Variants in CACNG4 observed in about 807,000 individuals in gnomAD.
CACNG4 encodes the protein voltage-dependent calcium channel gamma-4 subunit.
Under a neutral mutation model 22.9 loss-of-function variants are expected in CACNG4, and 8 were observed. That is an observed-to-expected ratio of 0.35 (90% CI 0.21 to 0.63). CACNG4 has a LOEUF of 0.63. Ranked by LOEUF, CACNG4 falls within the 30% of genes least tolerant of loss-of-function variation. CACNG4 has a pLI of 0.72. For synonymous variants in CACNG4, 188 were observed against 191.9 expected, an observed-to-expected ratio of 0.98 and a Z score of 0.17; for missense variants, 357 against 455.4, an observed-to-expected ratio of 0.78 and a Z score of 1.97.
chr17:66,989,060 C>CAAAA lies in CACNG4; in HGVS notation c.220+23947_220+23950dup, dbSNP rs35041834. ...TGGGCAACAGAGCAAGACTCTGCCT[C>CAAAA]AAAAAAAAAAAAAAAAAAAAAGGCA... On this transcript the variant is annotated intron_variant, in intron 1 of 3. Coordinates refer to ENST00000262138, the MANE Select transcript of CACNG4 (RefSeq NM_014405.4). Among the ~76,000 whole-genome samples the CAAAA allele has an allele frequency of 1.3e-4, 8 of 63,290 alleles. 1 individual carries two copies. Among genetic ancestry groups the CAAAA allele is most frequent in the East Asian group, 4.9e-4 (1 of 2,036 alleles). 41.5% of individuals were successfully genotyped at this position (63,290 alleles called of 152,430 possible). A position where few individuals can be genotyped will look rare whatever the true frequency, so the allele number is the denominator to read the frequency against.
chr17:67,026,815 G>A (rs1367559026), intron 3 of CACNG4, among the ~76,000 whole-genome samples: 1 of 151,978 alleles, frequency 6.6e-6, no homozygotes. Flanking sequence ...GTTGGGAAGA[G>A]GAGCCTGTGT....
intron 1 of CACNG4, among the ~76,000 whole-genome samples, chr17:66,979,720 A>C (rs2035259612): frequency 5.8e-4 from 84 of 145,010 alleles, no homozygotes; most frequent in East Asian, 1.7e-3. Flanking sequence ...CCGATTTGAC[A>C]CGGCCGGTGT....
At chr17:66,978,631 G>T (rs1467345277) in intron 1 of CACNG4, among the ~76,000 whole-genome samples, 1 of 152,212 alleles carries the variant, frequency 6.6e-6, no homozygotes, top group Non-Finnish European at 1.5e-5. Flanking sequence ...GGGGAGGGAT[G>T]CCCCGTACTC....
chr17:67,020,499 G>A (rs1203139827), intron 2 of CACNG4, among the ~76,000 whole-genome samples: 1 of 152,238 alleles, frequency 6.6e-6, no homozygotes, highest in African/African-American at 2.4e-5. Flanking sequence ...ACAGCTTGAC[G>A]GCTTTCGGGC....
At chr17:66,982,099 A>G (rs2143292096) in intron 1 of CACNG4, among the ~76,000 whole-genome samples, 1 of 152,318 alleles carries the variant, frequency 6.6e-6, no homozygotes, top group Admixed American at 6.5e-5. Flanking sequence ...CAGCTCTTAA[A>G]GGTGGCACGG....
intron 1 of CACNG4, among the ~76,000 whole-genome samples, chr17:66,985,363 C>A (rs1598106783): frequency 6.6e-6 from 1 of 152,160 alleles, no homozygotes; most frequent in Non-Finnish European, 1.5e-5. Context: ...TTCTTCATAG[C>A]AGAGAATAAA....
intron 2 of CACNG4, among the ~76,000 whole-genome samples, chr17:67,021,072 A>G (rs1342265676): frequency 6.6e-6 from 1 of 152,166 alleles, no homozygotes; most frequent in Non-Finnish European, 1.5e-5. Flanking sequence ...GTGATGGCAC[A>G]TGCCTCCAGT....
intron 1 of CACNG4, among the ~76,000 whole-genome samples, chr17:66,965,844 G>A (rs2035166935): frequency 1.3e-5 from 2 of 152,114 alleles, no homozygotes; most frequent in East Asian, 1.9e-4. Context: ...GCTCCTCGCT[G>A]TGCGGTGGGG....
At chr17:67,028,028 T>A (rs931049795) in intron 3 of CACNG4, among the ~76,000 whole-genome samples, 5 of 149,002 alleles carry the variant, frequency 3.4e-5, no homozygotes, top group South Asian at 2.1e-4. Context: ...TCAAAAAAAA[T>A]AAATAAATAA....
chr17:67,000,622 A>G (rs2035402478), intron 1 of CACNG4, among the ~76,000 whole-genome samples: 1 of 152,106 alleles, frequency 6.6e-6, no homozygotes, highest in South Asian at 2.1e-4. Flanking sequence ...ACACAGGAGG[A>G]CAAGTGAGGG....
Position 66,964,909 on chromosome 17 carries a change from A to C in CACNG4, c.-3A>C. 2 of 1,458,712 alleles carry C rather than the reference A, an allele frequency of 1.4e-6. No individual in the cohort carries two copies. The highest frequency in any genetic ancestry group is 9.1e-7 in the Non-Finnish European group (1 of 1,099,858). 90.4% of individuals were successfully genotyped at this position (1,458,712 alleles called of 1,614,324 possible). On this transcript the variant is annotated 5_prime_UTR_variant, in exon 1 of 4. Coordinates refer to ENST00000262138, the MANE Select transcript of CACNG4 (RefSeq NM_014405.4). ...GCGGGCGGCGGACTATGAGGCGCCCACCATGGTGCGATGCGACCGCGGGCT... is the reference window on the plus strand; with the variant it reads ...GCGGGCGGCGGACTATGAGGCGCCCCCCATGGTGCGATGCGACCGCGGGCT...
In CACNG4 at chr17:67,025,007, C is replaced by T. The variant is rs367823217; in HGVS notation, c.445+7C>T. On this transcript the variant is annotated splice_region_variant and intron_variant, in intron 3 of 3. Coordinates refer to ENST00000262138, the MANE Select transcript of CACNG4 (RefSeq NM_014405.4). ...ATCCTCTTCGTGGCTGCAGGTGAGCCGCCCGCCCGGGCTGGTGCTGGGCCG... is the reference window on the plus strand; with the variant it reads ...ATCCTCTTCGTGGCTGCAGGTGAGCTGCCCGCCCGGGCTGGTGCTGGGCCG... The T allele has an allele frequency of 2.0e-4, 310 of 1,580,108 alleles. No homozygotes were observed. The highest frequency in any genetic ancestry group is 8.4e-4 in the Middle Eastern group (5 of 5,972).
At chr17:66,994,164 C>G (rs2035359311) in intron 1 of CACNG4, among the ~76,000 whole-genome samples, 1 of 151,990 alleles carries the variant, frequency 6.6e-6, no homozygotes, top group South Asian at 2.1e-4. Flanking sequence ...AACCCTGTCT[C>G]TACTAAAAAT....
At chr17:67,009,264 G>T (rs935766604) in intron 1 of CACNG4, among the ~76,000 whole-genome samples, 1 of 152,164 alleles carries the variant, frequency 6.6e-6, no homozygotes, top group African/African-American at 2.4e-5. Context: ...GAACCCCCCA[G>T]TGTATGATAC....
intron 1 of CACNG4, among the ~76,000 whole-genome samples, chr17:66,978,947 T>A (rs910050641): frequency 6.6e-6 from 1 of 152,220 alleles, no homozygotes; most frequent in African/African-American, 2.4e-5. Context: ...GTCTTCTACC[T>A]TGTGGCCTGC....
chr17:67,025,591 C>T (rs922530848), intron 3 of CACNG4, among the ~76,000 whole-genome samples: 1 of 152,264 alleles, frequency 6.6e-6, no homozygotes, highest in Non-Finnish European at 1.5e-5. Context: ...CCCGACTGCC[C>T]CAACCCTCCT....
At chr17:67,014,857 A>C (rs1364036003) in intron 1 of CACNG4, among the ~76,000 whole-genome samples, 1 of 151,848 alleles carries the variant, frequency 6.6e-6, no homozygotes, top group Non-Finnish European at 1.5e-5. Context: ...GAATTGCTTG[A>C]ACCCAGGAAG....
intron 1 of CACNG4, 72 bp from the exon 2 acceptor site, chr17:67,018,117 C>T: frequency 1.7e-6 from 2 of 1,152,932 alleles, no homozygotes; most frequent in Non-Finnish European, 1.3e-6. Flanking sequence ...CACATGGCAA[C>T]CGTGTCTGGA....
chr17:67,018,524 G>A (rs1217073265), intron 2 of CACNG4, among the ~76,000 whole-genome samples: 1 of 152,112 alleles, frequency 6.6e-6, no homozygotes, highest in African/African-American at 2.4e-5. Flanking sequence ...CCTGTGCCCT[G>A]GGGAGAGAGA....
Sources: allele counts gnomAD v4.1 joint callset (sites outside exome capture counted in the v4.1 genomes callset), GRCh38; gene constraint gnomAD v4.1.1; transcripts MANE v1.5; gene names NCBI Gene and HGNC (gene_info 2026-07-23, HGNC 2026-07-21).